The following FRMD4A variants were observed in gnomAD, a reference collection of about 807,000 sequenced individuals.
The protein encoded by FRMD4A is FERM domain-containing protein 4A.
A neutral mutation model predicts 129.1 loss-of-function variants in FRMD4A; 29 were observed. The observed-to-expected ratio is 0.22, with a 90% CI of 0.17 to 0.31. The LOEUF is 0.31. Ranked by LOEUF, FRMD4A falls within the 10% of genes least tolerant of loss-of-function variation. The pLI, the probability that FRMD4A is intolerant of heterozygous loss-of-function variation, is 1.00. For missense variants in FRMD4A, 1,272 were observed against 1,375.8 expected (o/e 0.92, Z 1.19); for synonymous variants, 634 against 571.6 (o/e 1.11, Z -1.56).
chr10:14,321,634 C>G (rs1394659892), intron 2 of FRMD4A, among the ~76,000 whole-genome samples: 1 of 152,136 alleles, frequency 6.6e-6, no homozygotes, highest in African/African-American at 2.4e-5. Context: ...TCAGGTACAA[C>G]TGGAGAATTT....
chr10:14,014,375 T>C (rs896024397), intron 2 of FRMD4A, among the ~76,000 whole-genome samples: 1 of 152,130 alleles, frequency 6.6e-6, no homozygotes, highest in African/African-American at 2.4e-5. Context: ...TATATATCAA[T>C]ACAAAAATGA....
At chr10:13,855,872 A>G (rs1016340129) in intron 3 of FRMD4A, among the ~76,000 whole-genome samples, 13 of 152,112 alleles carry the variant, frequency 8.5e-5, no homozygotes, top group Non-Finnish European at 1.5e-5. Context: ...AAAAAGAGTG[A>G]TAGATTTAAG....
At position 13,998,828 on chromosome 10, in the gene FRMD4A, C is replaced by G. The variant is rs147016329; in HGVS notation, c.46-139916G>C. 2.2e-3 allele frequency among the ~76,000 whole-genome samples: 330 copies of G among 152,342 alleles called. 5 individuals carry two copies. The highest frequency in any genetic ancestry group is 7.2e-3 in the African/African-American group (300 of 41,582). ...TGATTGTACTAGTAACCTCATGCAACACCCTGATTCCAGCCTTCTTCTCTA... is the reference window on the plus strand; with the variant it reads ...TGATTGTACTAGTAACCTCATGCAAGACCCTGATTCCAGCCTTCTTCTCTA... On this transcript the variant is annotated intron_variant, in intron 2 of 24. Coordinates refer to ENST00000357447, the MANE Select transcript of FRMD4A (RefSeq NM_018027.5).
chr10:14,207,381 A>C (rs1842813282), intron 2 of FRMD4A, among the ~76,000 whole-genome samples: 1 of 152,134 alleles, frequency 6.6e-6, no homozygotes, highest in Admixed American at 6.5e-5. Flanking sequence ...ATTACATTGT[A>C]ATATATAATT....
chr10:13,695,999 G>C (rs1000929522), intron 14 of FRMD4A, among the ~76,000 whole-genome samples: 2 of 152,198 alleles, frequency 1.3e-5, no homozygotes, highest in Admixed American at 1.3e-4. Flanking sequence ...GAGGCATGGC[G>C]CTTGTTTTCT....
At chr10:13,846,218 AG>A (rs1475803846) in intron 3 of FRMD4A, among the ~76,000 whole-genome samples, 2 of 152,248 alleles carry the variant, frequency 1.3e-5, no homozygotes, top group African/African-American at 4.8e-5. Context: ...TATAAAATTC[AG>A]GTTCAATCTA....
intron 6 of FRMD4A, among the ~76,000 whole-genome samples, chr10:13,781,949 A>G (rs533050973): frequency 2.0e-5 from 3 of 152,254 alleles, no homozygotes; most frequent in Admixed American, 2.0e-4. Flanking sequence ...TGAACTGCAC[A>G]CTTAAAAATG....
intron 12 of FRMD4A, among the ~76,000 whole-genome samples, chr10:13,721,955 C>G (rs1317433992): frequency 6.6e-6 from 1 of 152,154 alleles, no homozygotes; most frequent in Admixed American, 6.5e-5. Flanking sequence ...TTCAGTCAAA[C>G]GTGAGGACGG....
intron 2 of FRMD4A, among the ~76,000 whole-genome samples, chr10:14,128,011 T>TTCCTTCCTTC (rs1564319745): frequency 1.2e-4 from 12 of 96,804 alleles, no homozygotes; most frequent in African/African-American, 2.3e-4. Context: ...TTTCTTTCTT[T>TTCCTTCCTTC]CTTCCTTCCT....
intron 15 of FRMD4A, among the ~76,000 whole-genome samples, chr10:13,688,748 C>T (rs2085353799): frequency 6.6e-6 from 1 of 152,102 alleles, no homozygotes; most frequent in South Asian, 2.1e-4. Flanking sequence ...GAGTCTCGCT[C>T]TGTCTCACAG....
intron 15 of FRMD4A, 32 bp downstream of exon 15, chr10:13,693,866 A>C (rs1177227119): frequency 6.2e-7 from 1 of 1,606,586 alleles, no homozygotes; most frequent in Admixed American, 1.7e-5. Context: ...AGCCATGCTC[A>C]GGGGGCGTCC....
intron 2 of FRMD4A, among the ~76,000 whole-genome samples, chr10:13,962,136 A>G (rs1169780652): frequency 6.6e-6 from 1 of 152,234 alleles, no homozygotes; most frequent in Non-Finnish European, 1.5e-5. Context: ...CACAGCTGCT[A>G]CTAGCCATCT....
At chr10:13,856,767 C>T (rs2094219568) in intron 3 of FRMD4A, among the ~76,000 whole-genome samples, 1 of 152,178 alleles carries the variant, frequency 6.6e-6, no homozygotes, top group Non-Finnish European at 1.5e-5. Flanking sequence ...ACAACTGTTC[C>T]CAAACTGCAC....
intron 2 of FRMD4A, among the ~76,000 whole-genome samples, chr10:14,122,546 G>C (rs556923682): frequency 6.6e-6 from 1 of 150,858 alleles, no homozygotes; most frequent in Non-Finnish European, 1.5e-5. Context: ...TTACAATCAC[G>C]GCAGAATGTG....
At chr10:14,077,612 C>T (rs528145040) in intron 2 of FRMD4A, among the ~76,000 whole-genome samples, 2 of 152,254 alleles carry the variant, frequency 1.3e-5, no homozygotes. Flanking sequence ...ATTAAGAGGT[C>T]ACTCGTGTCA....
At chr10:14,078,829 G>A (rs544198194) in intron 2 of FRMD4A, among the ~76,000 whole-genome samples, 1 of 152,174 alleles carries the variant, frequency 6.6e-6, no homozygotes, top group Non-Finnish European at 1.5e-5. Context: ...GCTGCCTTGT[G>A]GCACCGTCCC....
At chr10:14,141,279 C>T (rs1254263124) in intron 2 of FRMD4A, among the ~76,000 whole-genome samples, 3 of 152,120 alleles carry the variant, frequency 2.0e-5, no homozygotes, top group Non-Finnish European at 2.9e-5. Context: ...GGATCCAAGT[C>T]GCTGAGGTAT....
At chr10:13,823,524 C>T (rs11595591) in intron 3 of FRMD4A, among the ~76,000 whole-genome samples, 32,817 of 152,180 alleles carry the variant, frequency 0.22, 3,884 homozygotes, top group Non-Finnish European at 0.28. Flanking sequence ...GGATGATAAA[C>T]GAAGCAACAT....
intron 2 of FRMD4A, among the ~76,000 whole-genome samples, chr10:14,269,966 C>A (rs186273689): frequency 1.3e-5 from 2 of 152,150 alleles, no homozygotes; most frequent in Admixed American, 6.5e-5. Context: ...CCAGATGGGA[C>A]GAAAAGGCTG....
Sources: allele counts gnomAD v4.1 joint callset (sites outside exome capture counted in the v4.1 genomes callset), GRCh38; gene constraint gnomAD v4.1.1; transcripts MANE v1.5; gene names NCBI Gene and HGNC (gene_info 2026-07-23, HGNC 2026-07-21).